The following DGCR2 variants were observed in gnomAD, a reference collection of about 807,000 sequenced individuals.
The protein encoded by DGCR2 is DiGeorge syndrome critical region gene 2.
DGCR2 carries 24 observed loss-of-function variants against 51.6 expected under a neutral mutation model. The ratio of observed to expected loss-of-function variants is 0.47; its 90% confidence interval spans 0.34 to 0.65. DGCR2 has a LOEUF of 0.65. Among genes scored for constraint, DGCR2 ranks in the 30% least tolerant of loss-of-function variants. DGCR2 has a pLI of 0.01. For missense variants in DGCR2, 765 were observed against 772.1 expected, an observed-to-expected ratio of 0.99 and a Z score of 0.11; for synonymous variants, 340 against 315.4, an observed-to-expected ratio of 1.08 and a Z score of -0.82.
chr22:19,080,976 T>C (rs2082929654), intron 2 of DGCR2, among the ~76,000 whole-genome samples: 4 of 152,302 alleles, frequency 2.6e-5, no homozygotes, highest in Admixed American at 2.6e-4. Context: ...CCTGCCACCC[T>C]TGGCACTCAG....
rs1370432145 is a variant in DGCR2 at position 19,057,975 on chromosome 22, AG to A, written c.626-814del. 1.3e-5 allele frequency among the ~76,000 whole-genome samples: 2 copies of A among 152,172 alleles called. No homozygotes were observed. The highest frequency in any genetic ancestry group is 2.4e-5 in the African/African-American group (1 of 41,434). ...AAGATTCCTTGAGGCTTACCCGACC[AG>A]GATCAATGGAAACACAAAGCAACCT... On this transcript the variant is annotated intron_variant, in intron 5 of 9. Transcript: ENST00000263196. This position sits in a 1 kb window ranked among gnomAD's most constrained non-coding sequence, Gnocchi z 5.1.
chr22:19,063,295 C>CA lies in DGCR2; in HGVS notation c.549-18dup, dbSNP rs760252516. ...ACCCACAACCTGCAGGGCACAGAGACAGAGACAGAGATCTCAGCGGCAGGA... is the reference window on the plus strand; with the variant it reads ...ACCCACAACCTGCAGGGCACAGAGACAAGAGACAGAGATCTCAGCGGCAGGA... On this transcript the variant is annotated splice_polypyrimidine_tract_variant and intron_variant, in intron 4 of 9. Transcript: ENST00000263196. 126 of 1,612,222 alleles carry CA rather than the reference C, an allele frequency of 7.8e-5. No individual in the cohort carries two copies. The highest frequency in any genetic ancestry group is 1.0e-4 in the Non-Finnish European group (119 of 1,178,544).
At chr22:19,098,842 C>T (rs1439469655) in intron 1 of DGCR2, among the ~76,000 whole-genome samples, 1 of 152,152 alleles carries the variant, frequency 6.6e-6, no homozygotes, top group Non-Finnish European at 1.5e-5. Context: ...AATCTTCTCA[C>T]CTTATGCTCT....
chr22:19,038,858 A>G lies in DGCR2; in HGVS notation c.*7T>C, dbSNP rs1204735440. ...CTCCCAGACCGTTGGGGTACAGGCCAGGCCGTCTACACCACAGTATTGAGG... is the reference window on the plus strand; with the variant it reads ...CTCCCAGACCGTTGGGGTACAGGCCGGGCCGTCTACACCACAGTATTGAGG... On this transcript the variant is annotated 3_prime_UTR_variant, in exon 10 of 10. Transcript: ENST00000263196. 30 of 1,611,606 alleles carry G rather than the reference A, an allele frequency of 1.9e-5. No individual in the cohort carries two copies. Among genetic ancestry groups the G allele is most frequent in the African/African-American group, 5.3e-5 (4 of 74,884 alleles).
chr22:19,075,968 T>C (rs2082871129), intron 2 of DGCR2, among the ~76,000 whole-genome samples: 1 of 152,152 alleles, frequency 6.6e-6, no homozygotes, highest in Non-Finnish European at 1.5e-5. Context: ...AATTCTACTT[T>C]TATTTTTTGA....
chr22:19,083,495 A>G (rs1370889101), intron 2 of DGCR2, among the ~76,000 whole-genome samples: 13 of 152,240 alleles, frequency 8.5e-5, no homozygotes, highest in Non-Finnish European at 1.5e-4. Context: ...ACGGAGCTTT[A>G]AAGATGCACT....
intron 7 of DGCR2, among the ~76,000 whole-genome samples, chr22:19,045,898 T>C (rs2082484161): frequency 6.6e-6 from 1 of 152,124 alleles, no homozygotes; most frequent in South Asian, 2.1e-4. Flanking sequence ...AACTAATTTT[T>C]TGTATTTTTT....
chr22:19,122,061 A>C, intron 1 of DGCR2, 67 bp downstream of exon 1: 1 of 1,201,586 alleles, frequency 8.3e-7, no homozygotes, highest in Non-Finnish European at 1.1e-6. Flanking sequence ...GGGTGAAAGG[A>C]GGTCCCGGGG....
At chr22:19,064,405 GAGT>G (rs576976480) in intron 4 of DGCR2, among the ~76,000 whole-genome samples, 116 of 152,342 alleles carry the variant, frequency 7.6e-4, no homozygotes, top group African/African-American at 2.6e-3. Flanking sequence ...CATAACTGTG[GAGT>G]CAAAACCCAG....
At chr22:19,048,734 C>T (rs1329673683) in intron 6 of DGCR2, 91 bp from the exon 7 acceptor site, 1 of 1,291,940 alleles carries the variant, frequency 7.7e-7, no homozygotes, top group African/African-American at 1.5e-5. Context: ...AGGTAGCCTC[C>T]CCGTGTGGGC....
intron 5 of DGCR2, among the ~76,000 whole-genome samples, chr22:19,062,779 A>ATTCTTTCTCTCT: frequency 1.6e-5 from 2 of 127,354 alleles, no homozygotes; most frequent in Admixed American, 1.6e-4. Flanking sequence ...ATGCATGCTC[A>ATTCTTTCTCTCT]CTCTCTCTCT....
At chr22:19,091,236 A>G (rs1255958624) in intron 1 of DGCR2, among the ~76,000 whole-genome samples, 1 of 152,146 alleles carries the variant, frequency 6.6e-6, no homozygotes, top group Non-Finnish European at 1.5e-5. Context: ...ACAAACGCCT[A>G]TAGTCCCAGC....
intron 1 of DGCR2, among the ~76,000 whole-genome samples, chr22:19,110,636 T>A (rs149022901): frequency 2.1e-5 from 3 of 146,162 alleles, no homozygotes; most frequent in Admixed American, 6.8e-5. Flanking sequence ...AAAATTAAAT[T>A]AAAAAAAAAA....
At position 19,089,427 on chromosome 22, in the gene DGCR2, G is replaced by A; in HGVS notation, c.143C>T (p.Pro48Leu). The change falls in exon 2 of 10, where the codon CCC (proline) becomes CTC (leucine). Residue 48 changes from proline to leucine, a missense_variant. By Grantham distance (98) the Pro-to-Leu change is moderately conservative (BLOSUM62 -3). Transcript: ENST00000263196. Reference protein sequence around the residue: ...RSGTIQCIPLPWQCDGWATCE... With the variant: ...RSGTIQCIPLLWQCDGWATCE... ...AGTCGCCCAGCCGTCACACTGCCAG[G>A]GGAGGGGGATGCACTGGATGGTGCC... The A allele has an allele frequency of 6.2e-7, 1 of 1,610,262 alleles. No individual in the cohort carries two copies.
intron 1 of DGCR2, among the ~76,000 whole-genome samples, chr22:19,098,270 T>A (rs979232476): frequency 1.3e-5 from 2 of 152,138 alleles, no homozygotes; most frequent in African/African-American, 4.8e-5. Flanking sequence ...GTCGGCCTTC[T>A]TGGCCTAGCC....
At chr22:19,055,573 A>T (rs1174714530) in intron 6 of DGCR2, among the ~76,000 whole-genome samples, 1 of 152,224 alleles carries the variant, frequency 6.6e-6, no homozygotes, top group Non-Finnish European at 1.5e-5. Context: ...AATGTCAAAG[A>T]TTTGAAAGAA....
chr22:19,118,374 C>CA (rs923572855), intron 1 of DGCR2, among the ~76,000 whole-genome samples: 1,378 of 56,756 alleles, frequency 0.024, 25 homozygotes, highest in African/African-American at 0.051. Flanking sequence ...CCATCGCAAA[C>CA]AAAAAAAAAA....
At chr22:19,072,419 G>C (rs1391663622) in intron 2 of DGCR2, among the ~76,000 whole-genome samples, 2 of 152,152 alleles carry the variant, frequency 1.3e-5, no homozygotes, top group Non-Finnish European at 2.9e-5. Context: ...AGCAGATAGG[G>C]AAGGACCACC....
chr22:19,068,172 G>C lies in DGCR2; in HGVS notation c.256C>G (p.Gln86Glu). 6.2e-7 allele frequency: 1 copy of C among 1,611,354 alleles called. No homozygotes were observed. The highest frequency in any genetic ancestry group is 8.5e-7 in the Non-Finnish European group (1 of 1,179,122). ...HHGKEAVDPR[Q>E]GRARGGDPSH... is the part of the protein sequence containing the mutation. ...GGGTCGCCTCCTCTGGCCCGCCCCT[G>C]CCGCGGATCCACAGCCTCCTTCCCA... The change falls in exon 3 of 10, where the codon CAG becomes GAG. Residue 86 changes from glutamine (Q) to glutamate (E), a missense_variant. Around this residue, in one of 3 missense-constraint regions of DGCR2, gnomAD observed 370 missense variants for 325.5 expected, o/e 1.14. Coordinates refer to ENST00000263196, the MANE Select transcript of DGCR2 (RefSeq NM_005137.3).
Sources: allele counts gnomAD v4.1 joint callset (sites outside exome capture counted in the v4.1 genomes callset), GRCh38; gene constraint gnomAD v4.1.1; regional missense constraint gnomAD v4.1.1; non-coding constraint Gnocchi (gnomAD v3.1); transcripts MANE v1.5; gene names NCBI Gene and HGNC (gene_info 2026-07-23, HGNC 2026-07-21).